The following KLF7 variants were observed in gnomAD, a reference collection of about 807,000 sequenced individuals.
KLF7 encodes KLF transcription factor 7, also known as Krueppel-like factor 7.
KLF7 carries 2 observed loss-of-function variants against 27.3 expected under a neutral mutation model. That is an observed-to-expected ratio of 0.07 (90% CI 0.03 to 0.23). The LOEUF is 0.23. KLF7 is among the 10% of genes least tolerant of loss of function. The pLI is 1.00. For missense variants in KLF7, 221 were observed against 394.1 expected (o/e 0.56, Z 3.72); for synonymous variants, 165 against 162.4 (o/e 1.02, Z -0.12).
At chr2:207,157,018 C>T (rs1413003754) in intron 1 of KLF7, among the ~76,000 whole-genome samples, 1 of 151,984 alleles carries the variant, frequency 6.6e-6, no homozygotes, top group Non-Finnish European at 1.5e-5. Context: ...GGTGCAGCCA[C>T]GATTGAGAAC....
intron 2 of KLF7, among the ~76,000 whole-genome samples, chr2:207,107,049 C>T (rs17216396): frequency 0.24 from 36,143 of 152,032 alleles, 4,920 homozygotes; most frequent in Middle Eastern, 0.32. Context: ...AAGGATTTCA[C>T]GAAATGGCTG....
At chr2:207,108,387 A>C (rs1326903929) in intron 2 of KLF7, among the ~76,000 whole-genome samples, 1 of 152,218 alleles carries the variant, frequency 6.6e-6, no homozygotes, top group Non-Finnish European at 1.5e-5. Flanking sequence ...AGGTAGAATG[A>C]AATAAAAAGG....
chr2:207,117,486 T>A (rs1242202124), intron 2 of KLF7, among the ~76,000 whole-genome samples: 2 of 152,238 alleles, frequency 1.3e-5, no homozygotes, highest in African/African-American at 4.8e-5. Flanking sequence ...TTCCATCCCA[T>A]AATCGGGGTT....
At chr2:207,122,621 G>A (rs2077368627) in intron 2 of KLF7, among the ~76,000 whole-genome samples, 1 of 152,178 alleles carries the variant, frequency 6.6e-6, no homozygotes, top group African/African-American at 2.4e-5. Flanking sequence ...TAGTGGCAGA[G>A]TTAGAACTAA....
chr2:207,157,219 T>TAAAAAA lies in KLF7; in HGVS notation c.102+8242_102+8247dup, dbSNP rs5838052. 9.5e-4 allele frequency among the ~76,000 whole-genome samples: 83 copies of TAAAAAA among 87,242 alleles called. 1 individual carries two copies. The highest frequency in any genetic ancestry group is 1.0e-3 in the Non-Finnish European group (46 of 43,930). 57.2% of individuals were successfully genotyped at this position (87,242 alleles called of 152,430 possible). On this transcript the variant is annotated intron_variant, in intron 1 of 3. Transcript: ENST00000309446. ...CAAGAAAAATGACACAACAGAAAAG[T>TAAAAAA]AAAAAAAAAAAAAAAAAAAAAAGAA...
chr2:207,137,663 A>G (rs75315227), intron 1 of KLF7, among the ~76,000 whole-genome samples: 1,609 of 152,280 alleles, frequency 0.011, 24 homozygotes, highest in African/African-American at 0.037. Context: ...CAGGGTTCCT[A>G]TGAGTGTGAG....
chr2:207,082,356 T>A (rs2076291821), intron 3 of KLF7, among the ~76,000 whole-genome samples: 1 of 151,958 alleles, frequency 6.6e-6, no homozygotes, highest in Non-Finnish European at 1.5e-5. Flanking sequence ...TGGTAAAGAG[T>A]TGGCTGGAGA....
chr2:207,085,071 A>G (rs2076355194), intron 3 of KLF7, among the ~76,000 whole-genome samples: 1 of 145,148 alleles, frequency 6.9e-6, no homozygotes, highest in African/African-American at 2.5e-5. Flanking sequence ...CTGAGGCAGG[A>G]GAATCGCCTG....
intron 1 of KLF7, among the ~76,000 whole-genome samples, chr2:207,152,202 T>A (rs916760746): frequency 6.7e-6 from 1 of 149,200 alleles, no homozygotes; most frequent in Non-Finnish European, 1.5e-5. Context: ...GTTACAGCGG[T>A]TAATGGAATT....
At chr2:207,172,922 T>G in the KLF7 span, among the ~76,000 whole-genome samples, 1 of 152,230 alleles carries the variant, frequency 6.6e-6, no homozygotes, top group Admixed American at 6.5e-5. Context: ...GAGAGAAGAT[T>G]GTTAAGAAGG....
At chr2:207,111,042 C>A (rs984032929) in intron 2 of KLF7, among the ~76,000 whole-genome samples, 1 of 152,086 alleles carries the variant, frequency 6.6e-6, no homozygotes, top group Non-Finnish European at 1.5e-5. Context: ...AGTAGCATAC[C>A]CCCAACCCCA....
At chr2:207,170,741 A>G (rs1190835038), upstream of KLF7, among the ~76,000 whole-genome samples, 1 of 152,100 alleles carries the variant, frequency 6.6e-6, no homozygotes, top group East Asian at 1.9e-4. Flanking sequence ...TGGTTTACTA[A>G]TATTTTAAGC....
At chr2:207,082,091 C>T (rs1559107188) in intron 3 of KLF7, among the ~76,000 whole-genome samples, 1 of 152,136 alleles carries the variant, frequency 6.6e-6, no homozygotes, top group Non-Finnish European at 1.5e-5. Context: ...TTCTTCATGT[C>T]AGAGTGGATC....
intron 1 of KLF7, among the ~76,000 whole-genome samples, chr2:207,155,013 C>T (rs2078343853): frequency 6.6e-6 from 1 of 152,182 alleles, no homozygotes; most frequent in Non-Finnish European, 1.5e-5. Context: ...CCCTAATGTC[C>T]CCTACCTAAA....
At chr2:207,106,649 T>C (rs2076891126) in intron 2 of KLF7, among the ~76,000 whole-genome samples, 1 of 152,192 alleles carries the variant, frequency 6.6e-6, no homozygotes, top group Non-Finnish European at 1.5e-5. Context: ...TCATACATGC[T>C]CTGGGGACTT....
At chr2:207,163,631 G>A (rs2078612923) in intron 1 of KLF7, among the ~76,000 whole-genome samples, 1 of 152,194 alleles carries the variant, frequency 6.6e-6, no homozygotes, top group South Asian at 2.1e-4. Context: ...AAAGTTGCAT[G>A]ATTCATCAGT....
At position 207,165,851 on chromosome 2, in the gene KLF7, A is replaced by G; in HGVS notation, c.-283T>C. ...AAGGGGACTTCTCCACGGGAGTAACAATTCCCTTCCAGGGCTCTAATCACT... is the reference window on the plus strand; with the variant it reads ...AAGGGGACTTCTCCACGGGAGTAACGATTCCCTTCCAGGGCTCTAATCACT... On this transcript the variant is annotated 5_prime_UTR_variant, in exon 1 of 4. Transcript: ENST00000309446. 2 of 1,286,020 alleles carry G rather than the reference A, an allele frequency of 1.6e-6. No individual in the cohort carries two copies. 79.7% of individuals were successfully genotyped at this position (1,286,020 alleles called of 1,614,324 possible). A position where few individuals can be genotyped will look rare whatever the true frequency, so the allele number is the denominator to read the frequency against.
At chr2:207,160,730 A>G (rs1476644886) in intron 1 of KLF7, among the ~76,000 whole-genome samples, 1 of 152,272 alleles carries the variant, frequency 6.6e-6, no homozygotes, top group Admixed American at 6.5e-5. Context: ...AGGCCCCATT[A>G]GGACCCTCTC....
intron 1 of KLF7, among the ~76,000 whole-genome samples, chr2:207,131,819 G>C (rs2077644239): frequency 6.6e-6 from 1 of 152,180 alleles, no homozygotes; most frequent in South Asian, 2.1e-4. Flanking sequence ...GGAGTTGGAG[G>C]AGGAGGAAAA....
Sources: allele counts gnomAD v4.1 joint callset (sites outside exome capture counted in the v4.1 genomes callset), GRCh38; gene constraint gnomAD v4.1.1; transcripts MANE v1.5; gene names NCBI Gene and HGNC (gene_info 2026-07-23, HGNC 2026-07-21).